The following SIGLEC14 variants were observed in gnomAD, a reference collection of about 807,000 sequenced individuals.
SIGLEC14 encodes the protein sialic acid-binding Ig-like lectin 14.
In SIGLEC14, 11 loss-of-function variants were observed where a neutral mutation model predicts 34.2. That is an observed-to-expected ratio of 0.32 (90% confidence interval 0.20 to 0.53). SIGLEC14 has a LOEUF of 0.53. Among genes scored for constraint, SIGLEC14 ranks in the 20% least tolerant of loss-of-function variants. The pLI is 0.95. For missense variants in SIGLEC14, 264 were observed against 439.0 expected (o/e 0.60, Z 3.56); for synonymous variants, 99 against 179.7 (o/e 0.55, Z 3.59).
intron 3 of SIGLEC14, 64 bp from the exon 4 acceptor site, chr19:51,645,594 G>T: frequency 6.7e-7 from 1 of 1,488,976 alleles, no homozygotes; most frequent in South Asian, 1.2e-5. Flanking sequence ...GGTCCCGGGA[G>T]GGACCCAAGG....
chr19:51,639,560 C>G lies in SIGLEC14; in HGVS notation c.*3795G>C, dbSNP rs1983866005. On this transcript the variant is annotated 3_prime_UTR_variant, in exon 7 of 7. Coordinates refer to ENST00000360844, the MANE Select transcript of SIGLEC14 (RefSeq NM_001098612.3). The stretch of plus-strand genomic sequence containing the variant: ...ATCAAGGTGCCAGCGGATTCAGTGT[C>G]TGGAGAGAATTATTTGCTTCCCAGA... 1 of 139,558 alleles carries G rather than the reference C, an allele frequency of 7.2e-6. No individual in the cohort carries two copies. The highest frequency in any genetic ancestry group is 1.5e-5 in the Non-Finnish European group (1 of 65,004). 8.6% of individuals were successfully genotyped at this position (139,558 alleles called of 1,614,324 possible).
rs1983887413 is a variant in SIGLEC14, at chr19:51,640,710, C to T, written c.*2645G>A. 7.2e-6 allele frequency among the ~76,000 whole-genome samples: 1 copy of T among 139,764 alleles called. No individual in the cohort carries two copies. Among genetic ancestry groups the T allele is most frequent in the Admixed American group, 6.9e-5 (1 of 14,554 alleles). The allele number at this position is 139,764 out of a possible 152,430, so 91.7% of individuals were successfully genotyped here. ...GTTGATTCAGCCAACTGCGGTGGCT[C>T]ACGCCTATAATCCCAGCACTTTGGA... On this transcript the variant is annotated 3_prime_UTR_variant, in exon 7 of 7. Transcript: ENST00000360844.
intron 6 of SIGLEC14, 58 bp downstream of exon 6, chr19:51,643,479 G>GGGGGGGGGGGGGCCCC: frequency 7.7e-7 from 1 of 1,296,394 alleles, no homozygotes; most frequent in African/African-American, 1.8e-5. Flanking sequence ...CCTGGGGCAG[G>GGGGGGGGGGGGGCCCC]ACAGCTCAGC....
At chr19:51,643,488 G>GCCACCCCCCCC in intron 6 of SIGLEC14, 49 bp downstream of exon 6, 1 of 1,290,082 alleles carries the variant, frequency 7.8e-7, no homozygotes. Flanking sequence ...GGACAGCTCA[G>GCCACCCCCCCC]CCCCACCTGG....
In SIGLEC14 at chr19:51,641,833, T is replaced by C. The variant is rs908238723; in HGVS notation, c.*1522A>G. On this transcript the variant is annotated 3_prime_UTR_variant, in exon 7 of 7. Transcript: ENST00000360844. ...GGAGGGAGAGGATGAGGAAAATAACTAATGGGTACTAGGCTTAATATCTGG... is the reference window on the plus strand; with the variant it reads ...GGAGGGAGAGGATGAGGAAAATAACCAATGGGTACTAGGCTTAATATCTGG... 7.2e-6 allele frequency among the ~76,000 whole-genome samples: 1 copy of C among 138,610 alleles called. No homozygotes were observed. Among genetic ancestry groups the C allele is most frequent in the Non-Finnish European group, 1.5e-5 (1 of 64,856 alleles). The allele number at this position is 138,610 out of a possible 152,430, so 90.9% of individuals were successfully genotyped here. A position where few individuals can be genotyped will look rare whatever the true frequency, so the allele number is the denominator to read the frequency against.
In SIGLEC14 at chr19:51,645,490, A is replaced by T. The variant is rs762101687; in HGVS notation, c.741T>A (p.Asn247Lys). 9.8e-6 allele frequency: 15 copies of T among 1,531,704 alleles called. 2 individuals are homozygous for T. Among genetic ancestry groups the T allele is most frequent in the Admixed American group, 1.7e-5 (1 of 57,916 alleles). 94.9% of individuals were successfully genotyped at this position (1,531,704 alleles called of 1,614,324 possible). Reference sequence around the variant, plus strand: ...GGTCTTTCCTACCTGTGCCTGTGCCATTTCTGAAGAAGATGCTGATGGCGA... The same window carrying T: ...GGTCTTTCCTACCTGTGCCTGTGCCTTTTCTGAAGAAGATGCTGATGGCGA... ...QNLAISIFFR[N>K]GTGTALRILS... Residue 247 changes from asparagine to lysine, a missense_variant, in exon 4 of 7, where the codon AAT becomes AAA. Asn to Lys is a moderately conservative substitution (Grantham distance 94, BLOSUM62 0). This residue lies in a region of SIGLEC14 where 149 missense variants were observed against 184.4 expected (regional missense o/e 0.81). Transcript: ENST00000360844.
rs1983947441 is a variant in SIGLEC14 at position 51,643,243 on chromosome 19, G to C, written c.*112C>G. On this transcript the variant is annotated 3_prime_UTR_variant, in exon 7 of 7. Coordinates refer to ENST00000360844, the MANE Select transcript of SIGLEC14 (RefSeq NM_001098612.3). ...AAGGGGTATGGGGCAGGAAGGAAAA[G>C]AGGGGTAGTCAGTGGGATGTGAGCT... 1.9e-6 allele frequency: 2 copies of C among 1,065,504 alleles called. No individual in the cohort carries two copies. Among genetic ancestry groups the C allele is most frequent in the African/African-American group, 3.7e-5 (2 of 54,056 alleles). 66.0% of individuals were successfully genotyped at this position (1,065,504 alleles called of 1,614,324 possible).
In SIGLEC14 at chr19:51,643,045, A is replaced by T. The variant is rs910202310; in HGVS notation, c.*310T>A. 4.3e-6 allele frequency: 1 copy of T among 234,976 alleles called. No individual in the cohort carries two copies. The highest frequency in any genetic ancestry group is 7.7e-6 in the Non-Finnish European group (1 of 129,448). The allele number at this position is 234,976 out of a possible 1,614,324, so 14.6% of individuals were successfully genotyped here. On this transcript the variant is annotated 3_prime_UTR_variant, in exon 7 of 7. Transcript: ENST00000360844. ...TCTCAAAAAAAAAAAAAAAAAAAAA[A>T]GGTAACTTTTGGGTAATGGGTAATG...
Position 51,645,464 on chromosome 19 carries a change from G to C in SIGLEC14, c.754+13C>G. ...TCCCATCACAGCCCCAGAGGGAAGA[G>C]GGTCTTTCCTACCTGTGCCTGTGCC... On this transcript the variant is annotated intron_variant, in intron 4 of 6. Transcript: ENST00000360844. The C allele has an allele frequency of 2.0e-6, 3 of 1,526,122 alleles. No homozygotes were observed. The highest frequency in any genetic ancestry group is 1.8e-6 in the Non-Finnish European group (2 of 1,135,896). 94.5% of individuals were successfully genotyped at this position (1,526,122 alleles called of 1,614,324 possible). A position where few individuals can be genotyped will look rare whatever the true frequency, so the allele number is the denominator to read the frequency against.
At position 51,643,895 on chromosome 19, in the gene SIGLEC14, G is replaced by C; in HGVS notation, c.896C>G (p.Ser299Ter). The change falls in exon 5 of 7, where the codon TCA becomes TGA. Residue 299 changes from serine (S) to a stop codon, truncating the protein, a stop_gained. Transcript: ENST00000360844. LOFTEE classifies it high-confidence loss of function. ...AGGCAGCTCCAGGGTCCCAGACATT[G>C]AGGTCTGGGAAGGATTGAGGGCTTT... ...EGKALNPSQT[S>*]MSGTLELPNI... 1 of 1,534,074 alleles carries C rather than the reference G, an allele frequency of 6.5e-7. No homozygotes were observed. Among genetic ancestry groups the C allele is most frequent in the Non-Finnish European group, 8.8e-7 (1 of 1,141,652 alleles).
In SIGLEC14 at chr19:51,646,212, G is replaced by A. The variant is rs201388070; in HGVS notation, c.421+45C>T. The A allele has an allele frequency of 1.2e-4, 168 of 1,422,228 alleles. 50 individuals are homozygous for A. The South Asian group carries it at 2.0e-3, about 17-fold the overall frequency. 88.1% of individuals were successfully genotyped at this position (1,422,228 alleles called of 1,614,324 possible). A position where few individuals can be genotyped will look rare whatever the true frequency, so the allele number is the denominator to read the frequency against. ...CAACTCCTGTCCCTGTTCTCATACG[G>A]GGGTCTCCACGTCCCAGGGTCCTCT... On this transcript the variant is annotated intron_variant, in intron 2 of 6. Coordinates refer to ENST00000360844, the MANE Select transcript of SIGLEC14 (RefSeq NM_001098612.3).
intron 6 of SIGLEC14, 59 bp downstream of exon 6, chr19:51,643,471 TGGGGCAG>T: frequency 8.4e-7 from 1 of 1,197,142 alleles, no homozygotes; most frequent in Non-Finnish European, 1.1e-6. Context: ...TGAGCTGTCC[TGGGGCAG>T]GACAGCTCAG....
At position 51,646,480 on chromosome 19, in the gene SIGLEC14, G is replaced by C. The variant is rs780350441; in HGVS notation, c.198C>G (p.Ile66Met). ...LYVYWFRDGE[I>M]PYYAEVVATN... is the part of the protein sequence containing the mutation. The stretch of plus-strand genomic sequence containing the variant: ...TGGCCACAACCTCAGCGTAGTATGG[G>C]ATCTCCCCGTCCCGGAACCAGTAGA... Residue 66 changes from isoleucine (I) to methionine (M), a missense_variant, in exon 2 of 7, where the codon ATC becomes ATG. Physicochemically the swap from Ile to Met is conservative, Grantham distance 10. Transcript: ENST00000360844. 1.6e-6 allele frequency: 1 copy of C among 638,994 alleles called. No individual in the cohort carries two copies. Among genetic ancestry groups the C allele is most frequent in the South Asian group, 1.9e-5 (1 of 52,742 alleles). 39.6% of individuals were successfully genotyped at this position (638,994 alleles called of 1,614,324 possible).
chr19:51,644,178 T>G, intron 4 of SIGLEC14, 142 bp from the exon 5 acceptor site: 2 of 1,028,922 alleles, frequency 1.9e-6, no homozygotes, highest in South Asian at 2.0e-5. Context: ...GGATGAGGAC[T>G]TGGTGATCAG....
rs1568598671 is a variant in SIGLEC14, at chr19:51,643,891, CATTGAGGTCTGGGAAGG to C, written c.883_899del (p.Pro295ValfsTer8). 1.3e-6 allele frequency: 2 copies of C among 1,534,066 alleles called. No homozygotes were observed. The highest frequency in any genetic ancestry group is 1.8e-6 in the Non-Finnish European group (2 of 1,141,646). ...TGTTAGGCAGCTCCAGGGTCCCAGA[CATTGAGGTCTGGGAAGG>C]ATTGAGGGCTTTTCCCTCCCGGAAC... is the stretch of plus-strand genomic sequence containing the variant. On this transcript the variant is annotated frameshift_variant, in exon 5 of 7. Transcript: ENST00000360844. LOFTEE classifies it high-confidence loss of function.
At chr19:51,644,122 C>A (rs961149941) in intron 4 of SIGLEC14, 86 bp from the exon 5 acceptor site, 1 of 1,345,370 alleles carries the variant, frequency 7.4e-7, no homozygotes, top group South Asian at 1.6e-5. Flanking sequence ...AGAAGAAAGA[C>A]AAGACTGTGT....
chr19:51,642,070 A>G lies in SIGLEC14; in HGVS notation c.*1285T>C, dbSNP rs1983917426. The stretch of plus-strand genomic sequence containing the variant: ...CTTAGAAATTAAACAACACACTTCT[A>G]AGCAATCCGTGAATTCAAAGGAAAT... On this transcript the variant is annotated 3_prime_UTR_variant, in exon 7 of 7. Coordinates refer to ENST00000360844, the MANE Select transcript of SIGLEC14 (RefSeq NM_001098612.3). Among the ~76,000 whole-genome samples, 2 of 139,934 alleles carry G rather than the reference A, an allele frequency of 1.4e-5. 1 individual carries two copies. The highest frequency in any genetic ancestry group is 1.4e-4 in the Admixed American group (2 of 14,484). 91.8% of individuals were successfully genotyped at this position (139,934 alleles called of 152,430 possible).
chr19:51,643,210 A>C lies in SIGLEC14; in HGVS notation c.*145T>G. ...GGGCAAGACTCACAAGCAGAGGGGA[A>C]TAAGTAGAAGGGGTATGGGGCAGGA... On this transcript the variant is annotated 3_prime_UTR_variant, in exon 7 of 7. Coordinates refer to ENST00000360844, the MANE Select transcript of SIGLEC14 (RefSeq NM_001098612.3). 1.3e-6 allele frequency: 1 copy of C among 762,676 alleles called. No individual in the cohort carries two copies. The allele number at this position is 762,676 out of a possible 1,614,324, so 47.2% of individuals were successfully genotyped here. A position where few individuals can be genotyped will look rare whatever the true frequency, so the allele number is the denominator to read the frequency against.
At position 51,643,583 on chromosome 19, in the gene SIGLEC14, C is replaced by A; in HGVS notation, c.1102G>T (p.Ala368Ser). ...AGGCCATAGGTGAGGAGGAAGCCAG[C>A]CCCCATGAGAGCCCCCCTGATCAGG... Reference protein sequence around the residue: ...LTLIRGALMGAGFLLTYGLTW... With the variant: ...LTLIRGALMGSGFLLTYGLTW... The change falls in exon 6 of 7, where the codon GCT (alanine) becomes TCT (serine). Residue 368 changes from alanine to serine, a missense_variant. Ala to Ser is a moderately conservative substitution (Grantham distance 99). Coordinates refer to ENST00000360844, the MANE Select transcript of SIGLEC14 (RefSeq NM_001098612.3). The A allele has an allele frequency of 1.3e-6, 2 of 1,529,342 alleles. 1 individual carries two copies. The highest frequency in any genetic ancestry group is 2.4e-5 in the South Asian group (2 of 83,098). 94.7% of individuals were successfully genotyped at this position (1,529,342 alleles called of 1,614,324 possible). A position where few individuals can be genotyped will look rare whatever the true frequency, so the allele number is the denominator to read the frequency against.
Sources: gnomAD v4.1 joint callset for allele counts (sites outside exome capture counted in the v4.1 genomes callset) on GRCh38, gnomAD v4.1.1 for gene constraint, gnomAD v4.1.1 regional missense constraint, MANE v1.5 for transcripts, NCBI Gene and HGNC (gene_info 2026-07-23, HGNC 2026-07-21) for gene names.